The following CDC23 variants were observed in gnomAD, a reference collection of about 807,000 sequenced individuals.
The protein encoded by CDC23 is cell division cycle protein 23 homolog.
In CDC23, 26 loss-of-function variants were observed where a neutral mutation model predicts 81.7. That is an observed-to-expected ratio of 0.32 (90% CI 0.23 to 0.44). CDC23 has a LOEUF of 0.44. Among genes scored for constraint, CDC23 ranks in the 20% least tolerant of loss-of-function variants. The pLI is 1.00. For synonymous variants in CDC23, 267 were observed against 270.8 expected (o/e 0.99, Z 0.14); for missense variants, 519 against 728.0 (o/e 0.71, Z 3.30).
chr5:138,206,689 A>G lies in CDC23; in HGVS notation c.235-5T>C. The G allele has an allele frequency of 6.2e-7, 1 of 1,608,434 alleles. No individual in the cohort carries two copies. The highest frequency in any genetic ancestry group is 8.5e-7 in the Non-Finnish European group (1 of 1,177,584). On this transcript the variant is annotated splice_region_variant and splice_polypyrimidine_tract_variant and intron_variant, in intron 2 of 15. Coordinates refer to ENST00000394886, the MANE Select transcript of CDC23 (RefSeq NM_004661.4). ...ATCCATATCCTGGGCATCTTCCTAA[A>G]AAAGAAACAAGCTTATGTAAGTGGT...
At chr5:138,191,386 G>A in intron 13 of CDC23, 88 bp downstream of exon 13, 1 of 1,037,536 alleles carries the variant, frequency 9.6e-7, no homozygotes, top group South Asian at 1.3e-5. Context: ...TAGAATGATG[G>A]GTGTATGGGA....
chr5:138,189,341 C>T (rs1324974166), intron 15 of CDC23, among the ~76,000 whole-genome samples, 193 bp from the exon 16 acceptor site: 2 of 151,664 alleles, frequency 1.3e-5, no homozygotes, highest in Admixed American at 6.6e-5. Context: ...ACTGCAGCCT[C>T]GACCTCACTG....
chr5:138,188,954 A>G lies in CDC23; in HGVS notation c.*24T>C, dbSNP rs1264404609. 1.2e-6 allele frequency: 2 copies of G among 1,610,154 alleles called. No homozygotes were observed. Among genetic ancestry groups the G allele is most frequent in the East Asian group, 4.5e-5 (2 of 44,830 alleles). ...AGGCTTAATTAAGATGGGTCTAACA[A>G]TGTGCTGGCTTGAGAGTAGCCAACT... is the stretch of plus-strand genomic sequence containing the variant. On this transcript the variant is annotated 3_prime_UTR_variant, in exon 16 of 16. Coordinates refer to ENST00000394886, the MANE Select transcript of CDC23 (RefSeq NM_004661.4).
rs1754891014 is a variant in CDC23, at chr5:138,195,733, CATATAATATATATGT to C, written c.1012+2451_1012+2465del. On this transcript the variant is annotated intron_variant, in intron 9 of 15. Coordinates refer to ENST00000394886, the MANE Select transcript of CDC23 (RefSeq NM_004661.4). ...CATATAATATATATGTATATATATA[CATATAATATATATGT>C]ATATATATACATATATTATATATGT... Among the ~76,000 whole-genome samples the C allele has an allele frequency of 1.0e-4, 11 of 106,914 alleles. No homozygotes were observed. In the Admixed American group the frequency reaches 1.3e-3, roughly 12 times the overall value. The allele number at this position is 106,914 out of a possible 152,430, so 70.1% of individuals were successfully genotyped here.
At chr5:138,200,432 A>G (rs940991418) in intron 6 of CDC23, among the ~76,000 whole-genome samples, 4 of 151,854 alleles carry the variant, frequency 2.6e-5, no homozygotes, top group Admixed American at 2.0e-4. Flanking sequence ...GTGCCTGGCC[A>G]TAATGTTTTA....
chr5:138,198,331 T>C, intron 8 of CDC23, 51 bp from the exon 9 acceptor site: 1 of 1,586,720 alleles, frequency 6.3e-7, no homozygotes, highest in Non-Finnish European at 8.6e-7. Flanking sequence ...ACTCCCTAAA[T>C]TATTTTTCCT....
At chr5:138,195,772 G>GTATATATATACATATAATATATA (rs1561634205) in intron 9 of CDC23, among the ~76,000 whole-genome samples, 2 of 101,668 alleles carry the variant, frequency 2.0e-5, no homozygotes, top group African/African-American at 4.0e-5. Flanking sequence ...TATTATATAT[G>GTATATATATACATATAATATATA]TGTATATATA....
At chr5:138,189,999 A>C in intron 13 of CDC23, 93 bp from the exon 14 acceptor site, 1 of 963,046 alleles carries the variant, frequency 1.0e-6, no homozygotes, top group Non-Finnish European at 1.7e-6. Flanking sequence ...AAAAAACAAT[A>C]CATAGGTAAG....
intron 13 of CDC23, 26 bp from the exon 14 acceptor site, chr5:138,189,932 A>G: frequency 1.2e-6 from 2 of 1,604,136 alleles, no homozygotes; most frequent in Non-Finnish European, 1.7e-6. Flanking sequence ...ATCTTTAAAT[A>G]CCAATGATAT....
chr5:138,191,699 G>A (rs576500803), intron 12 of CDC23, among the ~76,000 whole-genome samples, 163 bp downstream of exon 12: 2 of 152,286 alleles, frequency 1.3e-5, no homozygotes, highest in South Asian at 2.1e-4. Flanking sequence ...CATTCCCACT[G>A]ATGACCTTGG....
chr5:138,198,283 G>A lies in CDC23; in HGVS notation c.931-3C>T. The A allele has an allele frequency of 6.2e-7, 1 of 1,611,582 alleles. No homozygotes were observed. On this transcript the variant is annotated splice_polypyrimidine_tract_variant and splice_region_variant and intron_variant, in intron 8 of 15. Coordinates refer to ENST00000394886, the MANE Select transcript of CDC23 (RefSeq NM_004661.4). ...TAACTCAACTCCGATTTCATGCTCT[G>A]GGATAAAAGAAAAAGACAATATAAG...
intron 2 of CDC23, among the ~76,000 whole-genome samples, chr5:138,208,328 T>C (rs1472752808): frequency 6.6e-6 from 1 of 152,196 alleles, no homozygotes; most frequent in Non-Finnish European, 1.5e-5. Flanking sequence ...GCCCCAAATA[T>C]CACCAGAACA....
intron 6 of CDC23, among the ~76,000 whole-genome samples, chr5:138,199,446 G>A (rs1341769019): frequency 1.3e-5 from 2 of 152,050 alleles, no homozygotes; most frequent in Non-Finnish European, 2.9e-5. Context: ...ACAAAAAAGA[G>A]AAAGAAATAG....
At chr5:138,194,447 G>T (rs1014557294) in intron 9 of CDC23, among the ~76,000 whole-genome samples, 2 of 152,132 alleles carry the variant, frequency 1.3e-5, no homozygotes, top group East Asian at 3.9e-4. Flanking sequence ...AAAGAAGCCA[G>T]ACAATAAGAC....
At position 138,191,848 on chromosome 5, in the gene CDC23, C is replaced by T. The variant is rs1240159053; in HGVS notation, c.1362+14G>A. 1.2e-6 allele frequency: 2 copies of T among 1,604,700 alleles called. No homozygotes were observed. Among genetic ancestry groups the T allele is most frequent in the South Asian group, 1.1e-5 (1 of 90,848 alleles). ...GATTTCCACTCAAATTCTTCAGGACCCAATTTAAGGTACCTTTTTGGCTTC... is the reference window on the plus strand; with the variant it reads ...GATTTCCACTCAAATTCTTCAGGACTCAATTTAAGGTACCTTTTTGGCTTC... On this transcript the variant is annotated intron_variant, in intron 12 of 15. Transcript: ENST00000394886.
At chr5:138,199,319 C>T (rs1430705440) in intron 6 of CDC23, among the ~76,000 whole-genome samples, 1 of 152,020 alleles carries the variant, frequency 6.6e-6, no homozygotes, top group Non-Finnish European at 1.5e-5. Flanking sequence ...GGAAACAGGC[C>T]AGGTGGAATG....
At chr5:138,194,976 C>A (rs1364709182) in intron 9 of CDC23, among the ~76,000 whole-genome samples, 3 of 151,930 alleles carry the variant, frequency 2.0e-5, no homozygotes, top group Non-Finnish European at 4.4e-5. Context: ...CCCGCCCAGG[C>A]TGGTCTTGAA....
Position 138,213,248 on chromosome 5 carries a change from A to G in CDC23, c.65T>C (p.Ile22Thr). 1 of 1,614,162 alleles carries G rather than the reference A, an allele frequency of 6.2e-7. No homozygotes were observed. Among genetic ancestry groups the G allele is most frequent in the Non-Finnish European group, 8.5e-7 (1 of 1,180,050 alleles). Residue 22 changes from isoleucine to threonine, a missense_variant, in exon 1 of 16, where the codon ATA (isoleucine) becomes ACA (threonine). By Grantham distance (89) the Ile-to-Thr change is moderately conservative. Transcript: ENST00000394886. ...CCGCAAATCTGAGAAATCGCTGTTT[A>G]TGGACAGGACAGGCGCCACTGCCGC... ...VTAAVAPVLS[I>T]NSDFSDLREI...
chr5:138,201,894 G>C (rs1466946504), intron 4 of CDC23, among the ~76,000 whole-genome samples: 2 of 152,292 alleles, frequency 1.3e-5, no homozygotes, highest in African/African-American at 4.8e-5. Flanking sequence ...CAGGGAACAG[G>C]GTAGGGCCAA....
Sources: gnomAD v4.1 joint callset for allele counts (sites outside exome capture counted in the v4.1 genomes callset) on GRCh38, gnomAD v4.1.1 for gene constraint, MANE v1.5 for transcripts, NCBI Gene and HGNC (gene_info 2026-07-23, HGNC 2026-07-21) for gene names.